Variants in PHLDB2 observed in about 807,000 individuals in gnomAD.
PHLDB2 encodes the protein pleckstrin homology like domain family B member 2.
A neutral mutation model predicts 123.6 loss-of-function variants in PHLDB2; 71 were observed. That is an observed-to-expected ratio of 0.57 (90% CI 0.47 to 0.70). The LOEUF (loss-of-function observed/expected upper bound fraction) is 0.70. Ranked by LOEUF, PHLDB2 falls within the 30% of genes least tolerant of loss-of-function variation. PHLDB2 has a pLI of 0.00. For missense variants in PHLDB2, 1,446 were observed against 1,519.5 expected, an observed-to-expected ratio of 0.95 and a Z score of 0.80; for synonymous variants, 547 against 541.6, an observed-to-expected ratio of 1.01 and a Z score of -0.14.
intron 12 of PHLDB2, among the ~76,000 whole-genome samples, chr3:111,955,561 C>T (rs766667390): frequency 6.6e-6 from 1 of 152,058 alleles, no homozygotes; most frequent in Non-Finnish European, 1.5e-5. Flanking sequence ...AGTGATCCTC[C>T]CACCTCAGCC....
chr3:111,930,093 T>C (rs904372940), intron 5 of PHLDB2, among the ~76,000 whole-genome samples: 5 of 151,446 alleles, frequency 3.3e-5, no homozygotes, highest in African/African-American at 9.7e-5. Flanking sequence ...TTTTTTTTTT[T>C]AGTAGAGACG....
chr3:111,745,314 A>G (rs182550252), intron 1 of PHLDB2, among the ~76,000 whole-genome samples: 86 of 152,348 alleles, frequency 5.6e-4, no homozygotes, highest in Non-Finnish European at 1.5e-4. Context: ...AACAGTTAAA[A>G]TTAAGATCAC....
chr3:111,816,799 A>G (rs2062096809), intron 1 of PHLDB2, among the ~76,000 whole-genome samples: 1 of 152,188 alleles, frequency 6.6e-6, no homozygotes, highest in Non-Finnish European at 1.5e-5. Context: ...GTGGAATGAT[A>G]TGACTTGGCT....
chr3:111,904,990 A>G (rs2067428374), intron 2 of PHLDB2, among the ~76,000 whole-genome samples: 2 of 152,230 alleles, frequency 1.3e-5, no homozygotes, highest in African/African-American at 4.8e-5. Flanking sequence ...AAAGTGTATT[A>G]TGAAAGAGAA....
At chr3:111,853,633 T>TG (rs1383691253) in intron 2 of PHLDB2, among the ~76,000 whole-genome samples, 1 of 152,158 alleles carries the variant, frequency 6.6e-6, no homozygotes, top group African/African-American at 2.4e-5. Context: ...CCCAGCACTT[T>TG]GGAAGGCCGA....
chr3:111,966,578 C>T (rs1208317209), intron 13 of PHLDB2, 35 bp from the exon 14 acceptor site: 2 of 1,484,392 alleles, frequency 1.3e-6, no homozygotes, highest in Non-Finnish European at 1.9e-6. Flanking sequence ...TCAGTCTAAA[C>T]CAATATTCTC....
chr3:111,917,793 C>T (rs2107521409), intron 3 of PHLDB2: 1 of 152,228 alleles, frequency 6.6e-6, no homozygotes, highest in African/African-American at 2.4e-5. Context: ...CAGAATATGA[C>T]ATGATGGATG....
At chr3:111,766,906 C>T (rs2060092030) in intron 1 of PHLDB2, among the ~76,000 whole-genome samples, 1 of 151,912 alleles carries the variant, frequency 6.6e-6, no homozygotes, top group African/African-American at 2.4e-5. Flanking sequence ...TGGCACGTGC[C>T]TGTAATCCCA....
intron 1 of PHLDB2, among the ~76,000 whole-genome samples, chr3:111,842,687 A>G (rs2063747350): frequency 6.6e-6 from 1 of 152,218 alleles, no homozygotes; most frequent in African/African-American, 2.4e-5. Flanking sequence ...AGAGTCATCC[A>G]GAAGCTAACT....
chr3:111,960,822 T>C (rs2071362806), intron 12 of PHLDB2, among the ~76,000 whole-genome samples: 1 of 152,182 alleles, frequency 6.6e-6, no homozygotes, highest in Admixed American at 6.5e-5. Flanking sequence ...GAGAAAGAGA[T>C]TACAAACTCT....
rs148083206 is a variant in PHLDB2, at chr3:111,775,397, C to A, written c.-49+42694C>A. On this transcript the variant is annotated intron_variant, in intron 1 of 17. Coordinates refer to the PHLDB2 transcript ENST00000393923. Reference sequence around the variant, plus strand: ...CACATAGAAGAGCATGTAGATGATACTTTAGAAAAACTGGTTAGTCAAGAA... The same window carrying A: ...CACATAGAAGAGCATGTAGATGATAATTTAGAAAAACTGGTTAGTCAAGAA... 5.1e-3 allele frequency among the ~76,000 whole-genome samples: 784 copies of A among 152,242 alleles called. 7 individuals carry two copies. The highest frequency in any genetic ancestry group is 0.018 in the African/African-American group (733 of 41,554).
intron 5 of PHLDB2, among the ~76,000 whole-genome samples, chr3:111,927,524 A>C (rs879063971): frequency 6.6e-6 from 1 of 152,216 alleles, no homozygotes; most frequent in Non-Finnish European, 1.5e-5. Context: ...GAAATTACAA[A>C]AGTGGATTTT....
chr3:111,966,049 T>C (rs367543776), intron 13 of PHLDB2, among the ~76,000 whole-genome samples: 247 of 152,270 alleles, frequency 1.6e-3, no homozygotes, highest in African/African-American at 5.6e-3. Context: ...ATAGGAGAAG[T>C]CATGTTTTAA....
At chr3:111,808,886 G>A (rs12637888) in intron 1 of PHLDB2, among the ~76,000 whole-genome samples, 81,306 of 151,930 alleles carry the variant, frequency 0.54, 23,046 homozygotes, top group Middle Eastern at 0.79. Flanking sequence ...TCTTTATATA[G>A]CATCCATTTA....
At chr3:111,820,598 A>T (rs1207673572) in intron 1 of PHLDB2, among the ~76,000 whole-genome samples, 1 of 152,252 alleles carries the variant, frequency 6.6e-6, no homozygotes, top group Non-Finnish European at 1.5e-5. Context: ...CATAACTTAC[A>T]ACCAGTGGCC....
chr3:111,881,118 G>A (rs1464981411), intron 1 of PHLDB2, among the ~76,000 whole-genome samples: 1 of 152,172 alleles, frequency 6.6e-6, no homozygotes, highest in Non-Finnish European at 1.5e-5. Context: ...CTCACAAAAA[G>A]TATAAAATTT....
chr3:111,966,548 G>A (rs2107678604), intron 13 of PHLDB2, 65 bp from the exon 14 acceptor site: 3 of 884,028 alleles, frequency 3.4e-6, no homozygotes, highest in South Asian at 1.5e-5. Context: ...GTGTGTGTGT[G>A]TATGTATTAG....
rs758381184 is a variant in PHLDB2 at position 111,885,259 on chromosome 3, T to C, written c.1182T>C (p.Asp394=). ...SCGSVEFDEA[D]LESLRQASGT... Reference sequence around the variant, plus strand: ...GATCTGTGGAATTTGATGAGGCAGATTTGGAAAGCCTCAGACAGGCCTCAG... The same window carrying C: ...GATCTGTGGAATTTGATGAGGCAGACTTGGAAAGCCTCAGACAGGCCTCAG... Residue 394 remains aspartate (D), a synonymous_variant, in exon 2 of 18, where the codon GAT becomes GAC. Transcript: ENST00000431670. 4 of 1,614,086 alleles carry C rather than the reference T, an allele frequency of 2.5e-6. No homozygotes were observed. The highest frequency in any genetic ancestry group is 1.1e-5 in the South Asian group (1 of 91,074).
At chr3:111,850,149 C>T (rs2064188058) in intron 2 of PHLDB2, among the ~76,000 whole-genome samples, 1 of 151,188 alleles carries the variant, frequency 6.6e-6, no homozygotes, top group Non-Finnish European at 1.5e-5. Context: ...GCATAAGCCA[C>T]CGCGCCCAGC....
Sources: gnomAD v4.1 joint callset for allele counts (sites outside exome capture counted in the v4.1 genomes callset) on GRCh38, gnomAD v4.1.1 for gene constraint, MANE v1.5 for transcripts, NCBI Gene and HGNC (gene_info 2026-07-23, HGNC 2026-07-21) for gene names.